Variants in DTNB observed in about 807,000 individuals in gnomAD.
DTNB encodes the protein dystrobrevin beta, also known as DTN-B.
A neutral mutation model predicts 90.7 loss-of-function variants in DTNB; 63 were observed. That is an observed-to-expected ratio of 0.69 (90% CI 0.57 to 0.86). DTNB has a LOEUF of 0.86. Ranked by LOEUF, DTNB falls within the 40% of genes least tolerant of loss-of-function variation. The pLI, the probability that DTNB is intolerant of heterozygous loss-of-function variation, is 0.00. For synonymous variants in DTNB, 277 were observed against 286.7 expected, an observed-to-expected ratio of 0.97 and a Z score of 0.34; for missense variants, 744 against 807.1, an observed-to-expected ratio of 0.92 and a Z score of 0.95.
intron 16 of DTNB, among the ~76,000 whole-genome samples, chr2:25,391,930 G>A (rs560384581): frequency 1.3e-5 from 2 of 152,196 alleles, no homozygotes; most frequent in East Asian, 3.9e-4. Context: ...GATGCTAAGA[G>A]GAAAGTTCAT....
intron 9 of DTNB, among the ~76,000 whole-genome samples, chr2:25,515,916 G>T (rs1376412022): frequency 6.6e-6 from 1 of 152,112 alleles, no homozygotes; most frequent in African/African-American, 2.4e-5. Flanking sequence ...GAAACTAAGT[G>T]CAGGGTGTAC....
At chr2:25,396,452 A>C (rs529301027) in intron 16 of DTNB, among the ~76,000 whole-genome samples, 5 of 151,956 alleles carry the variant, frequency 3.3e-5, no homozygotes, top group African/African-American at 9.6e-5. Flanking sequence ...CGGAGGGTGC[A>C]GTGAACTGAG....
intron 11 of DTNB, 69 bp from the exon 12 acceptor site, chr2:25,451,704 G>C: frequency 7.3e-7 from 1 of 1,373,046 alleles, no homozygotes. Flanking sequence ...TTCTCAGAAA[G>C]AACAGATGGA....
chr2:25,543,317 T>C (rs2081708155), intron 8 of DTNB, among the ~76,000 whole-genome samples: 1 of 151,932 alleles, frequency 6.6e-6, no homozygotes, highest in South Asian at 2.1e-4. Flanking sequence ...TTTTTTGTTT[T>C]TTTTTTGAGA....
chr2:25,585,900 C>T (rs2062311226), intron 6 of DTNB, among the ~76,000 whole-genome samples: 2 of 152,340 alleles, frequency 1.3e-5, no homozygotes, highest in South Asian at 2.1e-4. Context: ...ATTATTTTCA[C>T]ACTGAATTTC....
At chr2:25,453,103 T>C (rs925641836) in intron 11 of DTNB, among the ~76,000 whole-genome samples, 11 of 151,978 alleles carry the variant, frequency 7.2e-5, no homozygotes, top group Admixed American at 2.0e-4. Flanking sequence ...TATGGAGGGA[T>C]TGGTAGCCGA....
At chr2:25,572,249 C>T (rs1308361014) in intron 8 of DTNB, among the ~76,000 whole-genome samples, 2 of 152,070 alleles carry the variant, frequency 1.3e-5, no homozygotes, top group African/African-American at 4.8e-5. Flanking sequence ...AGGTGGATCA[C>T]GAGGTCAGGA....
At chr2:25,604,138 T>C (rs1002230317) in intron 5 of DTNB, among the ~76,000 whole-genome samples, 9 of 151,878 alleles carry the variant, frequency 5.9e-5, no homozygotes, top group South Asian at 2.1e-4. Flanking sequence ...CAAAAACACA[T>C]AACATCATAT....
At chr2:25,385,566 A>AGATCTC (rs2039235716) in intron 18 of DTNB, among the ~76,000 whole-genome samples, 1 of 152,146 alleles carries the variant, frequency 6.6e-6, no homozygotes, top group Non-Finnish European at 1.5e-5. Context: ...GAGGGGAGTA[A>AGATCTC]GATCTCTGGC....
rs1229831863 is a variant in DTNB, at chr2:25,432,818, T to C, written c.1457+68A>G. On this transcript the variant is annotated intron_variant, in intron 14 of 20. Transcript: ENST00000406818. Reference sequence around the variant, plus strand: ...AACAACAGATTCTACCCCACTCCTTTGGTTTCCTCAGATAAGTTCCATCCA... The same window carrying C: ...AACAACAGATTCTACCCCACTCCTTCGGTTTCCTCAGATAAGTTCCATCCA... 2.7e-6 allele frequency: 4 copies of C among 1,473,414 alleles called. 1 individual carries two copies. Among genetic ancestry groups the C allele is most frequent in the African/African-American group, 2.8e-5 (2 of 71,964 alleles). 91.3% of individuals were successfully genotyped at this position (1,473,414 alleles called of 1,614,324 possible).
At chr2:25,600,090 C>T (rs1203633858) in intron 5 of DTNB, among the ~76,000 whole-genome samples, 1 of 152,138 alleles carries the variant, frequency 6.6e-6, no homozygotes, top group East Asian at 1.9e-4. Flanking sequence ...AGAGCAAGAC[C>T]CTATCTCAAA....
rs570676605 is a variant in DTNB, at chr2:25,589,933, G to A, written c.603+6153C>T. On this transcript the variant is annotated intron_variant, in intron 6 of 20. Transcript: ENST00000406818. ...CGAGCCATGTGCAGAGCAGTGAAGCGAGTGTGAAGGAGTGTGGGGTCCGGC... is the reference window on the plus strand; with the variant it reads ...CGAGCCATGTGCAGAGCAGTGAAGCAAGTGTGAAGGAGTGTGGGGTCCGGC... 2.6e-5 allele frequency among the ~76,000 whole-genome samples: 4 copies of A among 152,324 alleles called. No individual in the cohort carries two copies. In the East Asian group the frequency reaches 5.8e-4, roughly 22 times the overall value.
At chr2:25,590,478 G>A (rs775807664) in intron 6 of DTNB, among the ~76,000 whole-genome samples, 2 of 151,894 alleles carry the variant, frequency 1.3e-5, no homozygotes, top group Non-Finnish European at 2.9e-5. Context: ...TCAGCATAGA[G>A]GAGACTCTGG....
At chr2:25,530,867 C>T (rs941927111) in intron 9 of DTNB, among the ~76,000 whole-genome samples, 1 of 152,202 alleles carries the variant, frequency 6.6e-6, no homozygotes, top group Non-Finnish European at 1.5e-5. Context: ...AAGCAGTTTA[C>T]AGGCTGAATC....
chr2:25,427,276 T>G (rs1324898863), intron 15 of DTNB, among the ~76,000 whole-genome samples: 1 of 152,148 alleles, frequency 6.6e-6, no homozygotes, highest in African/African-American at 2.4e-5. Context: ...TAATATCCTA[T>G]TTATAAACAT....
At chr2:25,377,884 GGCCAGCAGAGC>G (rs1006373438) in intron 20 of DTNB, among the ~76,000 whole-genome samples, 1 of 152,196 alleles carries the variant, frequency 6.6e-6, no homozygotes, top group Non-Finnish European at 1.5e-5. Flanking sequence ...CTCAGCCCCC[GGCCAGCAGAGC>G]GCAGGCCTGG....
chr2:25,500,101 T>G (rs1337000586), intron 9 of DTNB, among the ~76,000 whole-genome samples: 2 of 152,114 alleles, frequency 1.3e-5, no homozygotes, highest in East Asian at 3.9e-4. Context: ...GGGATCTCAC[T>G]CTGTGGCCAG....
chr2:25,453,766 A>T (rs905507642), intron 11 of DTNB, among the ~76,000 whole-genome samples: 1 of 152,034 alleles, frequency 6.6e-6, no homozygotes, highest in African/African-American at 2.4e-5. Context: ...GGATGAGGAG[A>T]CACTCTGTGA....
chr2:25,515,402 G>C (rs1272737142), intron 9 of DTNB, among the ~76,000 whole-genome samples: 1 of 152,132 alleles, frequency 6.6e-6, no homozygotes, highest in Non-Finnish European at 1.5e-5. Context: ...TAGTAACCAA[G>C]ATCATATGGT....
Sources: gnomAD v4.1 joint callset for allele counts (sites outside exome capture counted in the v4.1 genomes callset) on GRCh38, gnomAD v4.1.1 for gene constraint, MANE v1.5 for transcripts, NCBI Gene and HGNC (gene_info 2026-07-23, HGNC 2026-07-21) for gene names.